The following CUX1 variants were observed in gnomAD, a reference collection of about 807,000 sequenced individuals.
CUX1 encodes cut like homeobox 1.
In CUX1, 31 loss-of-function variants were observed where a neutral mutation model predicts 158.8. The ratio of observed to expected loss-of-function variants is 0.20; its 90% CI spans 0.15 to 0.26. The LOEUF (loss-of-function observed/expected upper bound fraction) is 0.26. CUX1 is among the 10% of genes least tolerant of loss of function. The pLI is 1.00. For missense variants in CUX1, 1,589 were observed against 2,014.6 expected, an observed-to-expected ratio of 0.79 and a Z score of 4.04; for synonymous variants, 879 against 862.1, an observed-to-expected ratio of 1.02 and a Z score of -0.34.
chr7:102,047,147 A>G (rs1822910912), intron 3 of CUX1, among the ~76,000 whole-genome samples: 1 of 152,224 alleles, frequency 6.6e-6, no homozygotes, highest in African/African-American at 2.4e-5. Flanking sequence ...TGGTAGGTGA[A>G]TGAATGTAGC....
chr7:102,131,219 C>T (rs751001587), intron 8 of CUX1, among the ~76,000 whole-genome samples: 48 of 152,112 alleles, frequency 3.2e-4, no homozygotes, highest in African/African-American at 5.8e-4. Context: ...ATCCAATTTC[C>T]GATCGATTTT....
chr7:101,943,662 A>G (rs1432082757), intron 2 of CUX1, among the ~76,000 whole-genome samples: 3 of 151,288 alleles, frequency 2.0e-5, no homozygotes, highest in African/African-American at 2.4e-5. Context: ...GTGTCCCCTA[A>G]TAGGATGAGT....
At position 102,003,334 on chromosome 7, in the gene CUX1, A is replaced by ACACACACACACACGCC. The variant is rs1469103474; in HGVS notation, c.142-24763_142-24762insACACACACACACGCCC. On this transcript the variant is annotated intron_variant, in intron 2 of 23. Coordinates refer to ENST00000292535, the MANE Select transcript of CUX1 (RefSeq NM_181552.4). ...CACACACACACACACACACACACAC[A>ACACACACACACACGCC]CGCCCGCCCCCCGCTCCACTGTTCT... 2.6e-3 allele frequency among the ~76,000 whole-genome samples: 388 copies of ACACACACACACACGCC among 146,624 alleles called. 3 individuals are homozygous for ACACACACACACACGCC. Among genetic ancestry groups the ACACACACACACACGCC allele is most frequent in the African/African-American group, 9.6e-3 (372 of 38,680 alleles).
intron 8 of CUX1, among the ~76,000 whole-genome samples, chr7:102,137,924 A>T (rs1322678245): frequency 6.6e-6 from 1 of 152,130 alleles, no homozygotes; most frequent in East Asian, 1.9e-4. Flanking sequence ...ACTGGCTCAC[A>T]CCTGTAGCCT....
At chr7:102,159,583 G>A (rs1024368322) in intron 9 of CUX1, among the ~76,000 whole-genome samples, 5 of 152,342 alleles carry the variant, frequency 3.3e-5, no homozygotes, top group Middle Eastern at 3.4e-3. Context: ...TCCCCCAGCC[G>A]GGCACAGTGG....
chr7:101,903,169 G>T (rs1207413242), intron 1 of CUX1, among the ~76,000 whole-genome samples: 1 of 152,154 alleles, frequency 6.6e-6, no homozygotes, highest in Non-Finnish European at 1.5e-5. Context: ...AGGGTCAGCA[G>T]CCGGCCAGAC....
At chr7:101,968,984 C>T (rs766695442) in intron 2 of CUX1, among the ~76,000 whole-genome samples, 27 of 152,026 alleles carry the variant, frequency 1.8e-4, no homozygotes, top group Non-Finnish European at 2.8e-4. Flanking sequence ...TTACTGGAAA[C>T]GCCATGAGCT....
intron 8 of CUX1, among the ~76,000 whole-genome samples, chr7:102,147,720 G>T (rs111646540): frequency 0.023 from 3,552 of 152,206 alleles, 143 homozygotes; most frequent in African/African-American, 0.082. Context: ...TATTTGGGCC[G>T]GTGCGGTGGC....
At chr7:101,860,795 C>T (rs890275996) in intron 1 of CUX1, among the ~76,000 whole-genome samples, 2 of 99,896 alleles carry the variant, frequency 2.0e-5, no homozygotes, top group Admixed American at 2.7e-4. Context: ...CCTCCTTCCC[C>T]TCTCTTCTTC....
intron 20 of CUX1, among the ~76,000 whole-genome samples, chr7:102,216,566 T>G (rs1169625813): frequency 3.4e-5 from 1 of 29,650 alleles, no homozygotes; most frequent in African/African-American, 1.3e-4. Flanking sequence ...GCACACACAC[T>G]CCCACACACA....
intron 2 of CUX1, among the ~76,000 whole-genome samples, chr7:101,957,943 C>T (rs1018746953): frequency 6.6e-5 from 10 of 152,140 alleles, no homozygotes; most frequent in Non-Finnish European, 1.3e-4. Flanking sequence ...TCACTGCAGT[C>T]CCTGGGCAAG....
At chr7:102,060,694 C>T (rs553054481) in intron 3 of CUX1, among the ~76,000 whole-genome samples, 29 of 151,002 alleles carry the variant, frequency 1.9e-4, no homozygotes, top group Non-Finnish European at 3.7e-4. Context: ...GTCACTGCAA[C>T]CTCCACCTTC....
Position 102,249,175 on chromosome 7 carries a change from C to CCCGCAGCCCAGACCCCCTCCACGGT in CUX1, c.*138_*162dup. 8.8e-7 allele frequency: 1 copy of CCCGCAGCCCAGACCCCCTCCACGGT among 1,137,174 alleles called. No individual in the cohort carries two copies. The highest frequency in any genetic ancestry group is 1.1e-6 in the Non-Finnish European group (1 of 925,458). 70.4% of individuals were successfully genotyped at this position (1,137,174 alleles called of 1,614,324 possible). A position where few individuals can be genotyped will look rare whatever the true frequency, so the allele number is the denominator to read the frequency against. ...GCACCGACCCCGGGCCGGACCTGAG[C>CCCGCAGCCCAGACCCCCTCCACGGT]CCGCAGCCCAGACCCCCTCCACGGT... On this transcript the variant is annotated 3_prime_UTR_variant, in exon 24 of 24. Coordinates refer to ENST00000292535, the MANE Select transcript of CUX1 (RefSeq NM_181552.4).
intron 2 of CUX1, among the ~76,000 whole-genome samples, chr7:101,944,657 C>T (rs185406076): frequency 2.4e-4 from 37 of 152,364 alleles, no homozygotes; most frequent in African/African-American, 7.7e-4. Context: ...CACCCTGGGT[C>T]GTTTCCTCCG....
chr7:102,274,989 G>A (rs782462943), intron 16 of CUX1, among the ~76,000 whole-genome samples: 12 of 152,302 alleles, frequency 7.9e-5, no homozygotes, highest in African/African-American at 1.7e-4. Context: ...CTCTGACAGC[G>A]CAGACGGGGG....
intron 2 of CUX1, among the ~76,000 whole-genome samples, chr7:101,951,815 A>G (rs1355551467): frequency 6.6e-6 from 1 of 152,192 alleles, no homozygotes; most frequent in Non-Finnish European, 1.5e-5. Flanking sequence ...CTTATCACCC[A>G]TTCTCATTAG....
At chr7:101,962,745 G>A (rs1314394141) in intron 2 of CUX1, among the ~76,000 whole-genome samples, 1 of 152,002 alleles carries the variant, frequency 6.6e-6, no homozygotes, top group African/African-American at 2.4e-5. Context: ...TTTTGAAACA[G>A]GGTCTTGCTC....
At chr7:102,047,864 G>A (rs1389987687) in intron 3 of CUX1, among the ~76,000 whole-genome samples, 1 of 152,050 alleles carries the variant, frequency 6.6e-6, no homozygotes, top group Non-Finnish European at 1.5e-5. Flanking sequence ...CTGACACCAA[G>A]GACCACATGG....
intron 2 of CUX1, among the ~76,000 whole-genome samples, chr7:102,025,403 A>T (rs1168508553): frequency 6.6e-6 from 1 of 152,202 alleles, no homozygotes; most frequent in Non-Finnish European, 1.5e-5. Context: ...CAAGGCAGGC[A>T]TATCGCTTGA....
Sources: gnomAD v4.1 joint callset for allele counts (sites outside exome capture counted in the v4.1 genomes callset) on GRCh38, gnomAD v4.1.1 for gene constraint, MANE v1.5 for transcripts, NCBI Gene and HGNC (gene_info 2026-07-23, HGNC 2026-07-21) for gene names.